FAT4: variants seen among roughly 807,000 people sequenced by gnomAD.
FAT4 encodes protocadherin Fat 4.
A neutral mutation model predicts 303.9 loss-of-function variants in FAT4; 84 were observed. That is an observed-to-expected ratio of 0.28 (90% CI 0.23 to 0.33). The LOEUF (loss-of-function observed/expected upper bound fraction) is 0.33. Among genes scored for constraint, FAT4 ranks in the 10% least tolerant of loss-of-function variants. The pLI, the probability that FAT4 is intolerant of heterozygous loss-of-function variation, is 1.00. For missense variants in FAT4, 6,005 were observed against 6,146.8 expected (o/e 0.98, Z 0.77); for synonymous variants, 2,307 against 2,298.8 (o/e 1.00, Z -0.10).
intron 2 of FAT4, among the ~76,000 whole-genome samples, chr4:125,335,874 C>A (rs2125962684): frequency 6.6e-6 from 1 of 152,148 alleles, no homozygotes; most frequent in Middle Eastern, 3.4e-3. Context: ...GAATTCCAAT[C>A]CCTTAATAAG....
At position 125,416,371 on chromosome 4, in the gene FAT4, T is replaced by A. The variant is rs1354281671; in HGVS notation, c.6844-77T>A. 5.3e-6 allele frequency: 7 copies of A among 1,314,242 alleles called. No homozygotes were observed. The East Asian group carries it at 1.6e-4, about 31-fold the overall frequency. 81.4% of individuals were successfully genotyped at this position (1,314,242 alleles called of 1,614,324 possible). On this transcript the variant is annotated intron_variant, in intron 6 of 17. Coordinates refer to ENST00000394329, the MANE Select transcript of FAT4 (RefSeq NM_001291303.3). ...TCTCTTAACATAGTTTTACCTCATT[T>A]TTTTTTAATGGAGGCATTTTATTTC...
At chr4:125,336,447 C>T (rs1008893548) in intron 2 of FAT4, among the ~76,000 whole-genome samples, 5 of 151,802 alleles carry the variant, frequency 3.3e-5, no homozygotes, top group Admixed American at 6.6e-5. Flanking sequence ...ATAATCCACC[C>T]GCCTAGGGAA....
Position 125,415,209 on chromosome 4 carries a change from C to G in FAT4, c.6246C>G (p.Asn2082Lys). Residue 2082 changes from asparagine (N) to lysine (K), a missense_variant, in exon 6 of 18, where the codon AAC becomes AAG. Asn to Lys is a moderately conservative substitution (Grantham distance 94). Transcript: ENST00000394329. Reference protein sequence around the residue: ...AQATDPDSGPNSYIEYTLLNP... With the variant: ...AQATDPDSGPKSYIEYTLLNP... The stretch of plus-strand genomic sequence containing the variant: ...CAACTGACCCAGATAGTGGCCCAAA[C>G]AGCTATATTGAGTACACTCTGCTGA... 1 of 1,614,038 alleles carries G rather than the reference C, an allele frequency of 6.2e-7. No individual in the cohort carries two copies.
rs1560753954 is a variant in FAT4, at chr4:125,318,442, G to A, written c.2031G>A (p.Val677=). Residue 677 remains valine, a synonymous_variant, in exon 2 of 18, where the codon GTG becomes GTA. Transcript: ENST00000394329. Reference sequence around the variant, plus strand: ...AGTCATCAATGGCTCGCATAAATGTGAGTCTTCTGGATATAAATGATAACA... The same window carrying A: ...AGTCATCAATGGCTCGCATAAATGTAAGTCTTCTGGATATAAATGATAACA... ...PPQSSMARIN[V]SLLDINDNSP... is the part of the protein sequence containing the mutation. 6.2e-7 allele frequency: 1 copy of A among 1,614,168 alleles called. No individual in the cohort carries two copies. The highest frequency in any genetic ancestry group is 1.1e-5 in the South Asian group (1 of 91,078).
chr4:125,433,012 T>A (rs1725332492), intron 7 of FAT4, among the ~76,000 whole-genome samples: 1 of 152,190 alleles, frequency 6.6e-6, no homozygotes, highest in Admixed American at 6.5e-5. Context: ...CTGTTGATTT[T>A]GGTTCCTATA....
Position 125,317,898 on chromosome 4 carries a change from G to T in FAT4, c.1487G>T (p.Gly496Val). 6.8e-6 allele frequency: 11 copies of T among 1,614,150 alleles called. No homozygotes were observed. The highest frequency in any genetic ancestry group is 9.3e-6 in the Non-Finnish European group (11 of 1,180,030). ...GCGCCTCCGGGAAGCTATGTGAGTG[G>T]GATATCTGCCACTGATGGCGACTCT... is the stretch of plus-strand genomic sequence containing the variant. The part of the protein sequence containing the change: ...EEAPPGSYVS[G>V]ISATDGDSGL... The change falls in exon 2 of 18, where the codon GGG (glycine) becomes GTG (valine). Residue 496 changes from glycine to valine, a missense_variant. By Grantham distance (109) the Gly-to-Val change is moderately radical. Coordinates refer to ENST00000394329, the MANE Select transcript of FAT4 (RefSeq NM_001291303.3). This position sits in a 1 kb window ranked among gnomAD's most constrained non-coding sequence, Gnocchi z 7.0.
At chr4:125,324,756 G>A (rs1162830613) in intron 2 of FAT4, among the ~76,000 whole-genome samples, 2 of 152,026 alleles carry the variant, frequency 1.3e-5, no homozygotes, top group African/African-American at 2.4e-5. Context: ...AATTGTCAAG[G>A]ACACCCCTGG....
chr4:125,400,542 T>TTGTGTA (rs1393331091), intron 3 of FAT4, among the ~76,000 whole-genome samples: 1 of 151,924 alleles, frequency 6.6e-6, no homozygotes, highest in African/African-American at 2.4e-5. Flanking sequence ...GTGTGTGTGT[T>TTGTGTA]TGTGTATGTG....
At chr4:125,420,250 T>C (rs1347371335) in intron 7 of FAT4, among the ~76,000 whole-genome samples, 1 of 152,198 alleles carries the variant, frequency 6.6e-6, no homozygotes, top group Non-Finnish European at 1.5e-5. Flanking sequence ...TTGTTTACCT[T>C]ATCCTTCTCT....
chr4:125,470,252 G>A (rs987036411), intron 12 of FAT4, among the ~76,000 whole-genome samples: 1 of 152,136 alleles, frequency 6.6e-6, no homozygotes, highest in African/African-American at 2.4e-5. Context: ...ATAGAGCACA[G>A]ATGCAGTAGA....
chr4:125,421,827 T>C (rs1279184617), intron 7 of FAT4, among the ~76,000 whole-genome samples: 1 of 152,138 alleles, frequency 6.6e-6, no homozygotes, highest in Non-Finnish European at 1.5e-5. Flanking sequence ...CAGACCCAGG[T>C]AGTAGCAAAG....
At chr4:125,474,180 C>T (rs1289797351) in intron 12 of FAT4, among the ~76,000 whole-genome samples, 7 of 152,004 alleles carry the variant, frequency 4.6e-5, no homozygotes, top group South Asian at 4.1e-4. Context: ...TAGATGTATA[C>T]GAAATATTAA....
chr4:125,345,458 A>C (rs976568545), intron 2 of FAT4, among the ~76,000 whole-genome samples: 17 of 124,326 alleles, frequency 1.4e-4, no homozygotes, highest in African/African-American at 4.3e-4. Context: ...GAAAAAAAAA[A>C]CACACAAAAA....
Position 125,408,575 on chromosome 4 carries a change from A to G in FAT4, c.5701A>G (p.Thr1901Ala), listed in dbSNP as rs1235797434. The G allele has an allele frequency of 1.2e-6, 2 of 1,612,668 alleles. No individual in the cohort carries two copies. Among genetic ancestry groups the G allele is most frequent in the Non-Finnish European group, 8.5e-7 (1 of 1,179,266 alleles). ...TCCTATTACTGGGGTCTTTAATTTG[A>G]CTCGATTATTAGATTATGAAGTACA... Reference protein sequence around the residue: ...LNPITGVFNLTRLLDYEVQQY... With the variant: ...LNPITGVFNLARLLDYEVQQY... The change falls in exon 5 of 18, where the codon ACT (threonine) becomes GCT (alanine). Residue 1901 changes from threonine (T) to alanine (A), a missense_variant. By Grantham distance (58) the Thr-to-Ala change is moderately conservative (BLOSUM62 0). Coordinates refer to ENST00000394329, the MANE Select transcript of FAT4 (RefSeq NM_001291303.3).
rs147574132 is a variant in FAT4, at chr4:125,379,752, G to A, written c.5176-19032G>A. On this transcript the variant is annotated intron_variant, in intron 2 of 17. Coordinates refer to ENST00000394329, the MANE Select transcript of FAT4 (RefSeq NM_001291303.3). Reference sequence around the variant, plus strand: ...TTGGATTACAGGTATGAGCCACCGCGCTTGGCCAGACATTGATATTTAACT... The same window carrying A: ...TTGGATTACAGGTATGAGCCACCGCACTTGGCCAGACATTGATATTTAACT... Among the ~76,000 whole-genome samples, 603 of 151,650 alleles carry A rather than the reference G, an allele frequency of 4.0e-3. 4 individuals carry two copies. The highest frequency in any genetic ancestry group is 0.014 in the African/African-American group (564 of 41,310).
intron 2 of FAT4, among the ~76,000 whole-genome samples, chr4:125,331,059 G>A (rs1731361199): frequency 1.3e-5 from 2 of 152,092 alleles, no homozygotes; most frequent in South Asian, 4.1e-4. Context: ...ACCTTGCAAA[G>A]TCCTTCTTCC....
At chr4:125,352,355 T>C (rs1345454782) in intron 2 of FAT4, among the ~76,000 whole-genome samples, 2 of 151,606 alleles carry the variant, frequency 1.3e-5, no homozygotes, top group Admixed American at 6.6e-5. Context: ...TTTCAATCAG[T>C]ATAGCTCCAA....
chr4:125,435,761 A>G (rs1725429405), intron 8 of FAT4, among the ~76,000 whole-genome samples: 2 of 152,136 alleles, frequency 1.3e-5, no homozygotes, highest in South Asian at 4.1e-4. Flanking sequence ...ATGTCACGAT[A>G]CAGAATTGGG....
At chr4:125,370,173 A>G (rs1281223306) in intron 2 of FAT4, among the ~76,000 whole-genome samples, 1 of 152,124 alleles carries the variant, frequency 6.6e-6, no homozygotes, top group South Asian at 2.1e-4. Flanking sequence ...TAAAAATGTT[A>G]CTTCTTTCTG....
Sources: allele counts gnomAD v4.1 joint callset (sites outside exome capture counted in the v4.1 genomes callset), GRCh38; gene constraint gnomAD v4.1.1; non-coding constraint Gnocchi (gnomAD v3.1); transcripts MANE v1.5; gene names NCBI Gene and HGNC (gene_info 2026-07-23, HGNC 2026-07-21).